PRMT8: variants seen among roughly 807,000 people sequenced by gnomAD.
PRMT8 encodes protein arginine methyltransferase 8.
In PRMT8, 7 loss-of-function variants were observed where a neutral mutation model predicts 47.1. The ratio of observed to expected loss-of-function variants is 0.15; its 90% CI spans 0.08 to 0.28. The LOEUF (loss-of-function observed/expected upper bound fraction) is 0.28. Ranked by LOEUF, PRMT8 falls within the 10% of genes least tolerant of loss-of-function variation. The probability of loss-of-function intolerance (pLI) is 1.00; values close to 1 mark genes in which losing one functional copy is unlikely to be tolerated. For synonymous variants in PRMT8, 188 were observed against 186.5 expected (o/e 1.01, Z -0.07); for missense variants, 237 against 505.4 (o/e 0.47, Z 5.09).
intron 2 of PRMT8, among the ~76,000 whole-genome samples, chr12:3,547,984 TCTCA>T (rs1351616203): frequency 6.6e-6 from 1 of 152,222 alleles, no homozygotes. Flanking sequence ...GTTGGCAGAC[TCTCA>T]CTACGTTATT....
rs888376288 is a variant in PRMT8, at chr12:3,569,037, G to A, written c.624+189G>A. ...AATGGTTGCCCCGGGTCCAGCATGT[G>A]TAACCATCAGAGTGGACTTCCGTGG... On this transcript the variant is annotated intron_variant, in intron 5 of 9. Coordinates refer to ENST00000382622, the MANE Select transcript of PRMT8 (RefSeq NM_019854.5). The surrounding 1 kb of genome is among the most constrained non-coding windows in gnomAD (Gnocchi z 8.2). Among the ~76,000 whole-genome samples, 16 of 152,242 alleles carry A rather than the reference G, an allele frequency of 1.1e-4. No individual in the cohort carries two copies. Among genetic ancestry groups the A allele is most frequent in the African/African-American group, 3.6e-4 (15 of 41,576 alleles).
At chr12:3,553,842 G>C in intron 4 of PRMT8, 128 bp downstream of exon 4, 1 of 825,236 alleles carries the variant, frequency 1.2e-6, no homozygotes. Flanking sequence ...CCCAGCTGAG[G>C]CCCCCGCCAG....
intron 1 of PRMT8, among the ~76,000 whole-genome samples, chr12:3,458,366 A>T (rs578224266): frequency 1.7e-3 from 262 of 152,308 alleles, no homozygotes; most frequent in Non-Finnish European, 3.4e-3. Context: ...GCTGATGGGC[A>T]CAGAGCTGTG....
At chr12:3,539,644 C>T (rs1026463063) in intron 1 of PRMT8, among the ~76,000 whole-genome samples, 1 of 152,192 alleles carries the variant, frequency 6.6e-6, no homozygotes, top group Admixed American at 6.5e-5. Context: ...GCTCCAATTG[C>T]TGTCTCTGGG....
chr12:3,459,417 T>TC (rs1565413124), intron 1 of PRMT8, among the ~76,000 whole-genome samples: 1 of 152,158 alleles, frequency 6.6e-6, no homozygotes, highest in African/African-American at 2.4e-5. Flanking sequence ...TGTCAGGGCA[T>TC]CCCAGCCTCA....
At chr12:3,507,792 T>C (rs1288855806) in intron 1 of PRMT8, among the ~76,000 whole-genome samples, 3 of 149,622 alleles carry the variant, frequency 2.0e-5, no homozygotes, top group Non-Finnish European at 4.4e-5. Context: ...AGAGTCTTGC[T>C]CTGTCACCCA....
chr12:3,567,821 C>T (rs530236308), intron 4 of PRMT8, among the ~76,000 whole-genome samples: 2 of 152,200 alleles, frequency 1.3e-5, no homozygotes, highest in African/African-American at 4.8e-5. Flanking sequence ...TGCCTGTAAT[C>T]CCAGCACTTT....
At chr12:3,549,591 G>C (rs1866382006) in intron 2 of PRMT8, among the ~76,000 whole-genome samples, 1 of 151,832 alleles carries the variant, frequency 6.6e-6, no homozygotes, top group South Asian at 2.1e-4. Flanking sequence ...CTCTCACCAT[G>C]ACAGAAAGTT....
At chr12:3,563,746 C>G (rs1434567438) in intron 4 of PRMT8, among the ~76,000 whole-genome samples, 1 of 152,146 alleles carries the variant, frequency 6.6e-6, no homozygotes, top group East Asian at 1.9e-4. Context: ...CACAACTTGA[C>G]TTCTCTAAAC....
intron 1 of PRMT8, among the ~76,000 whole-genome samples, chr12:3,496,758 T>C (rs1158209873): frequency 6.6e-6 from 1 of 152,012 alleles, no homozygotes; most frequent in Non-Finnish European, 1.5e-5. Context: ...CTTTTAGGAG[T>C]CTTGCCAAAA....
At chr12:3,428,740 C>T (rs1312110520) in intron 1 of PRMT8, among the ~76,000 whole-genome samples, 1 of 151,794 alleles carries the variant, frequency 6.6e-6, no homozygotes, top group Non-Finnish European at 1.5e-5. Flanking sequence ...CCTTTTGCCT[C>T]TGTCTCTTCC....
chr12:3,406,606 G>C (rs1252147938), intron 1 of PRMT8, among the ~76,000 whole-genome samples: 1 of 152,170 alleles, frequency 6.6e-6, no homozygotes, highest in African/African-American at 2.4e-5. Flanking sequence ...AATGCCACCA[G>C]CCTCTTTGCT....
chr12:3,473,979 A>G (rs892943720), intron 1 of PRMT8, among the ~76,000 whole-genome samples: 17 of 152,030 alleles, frequency 1.1e-4, no homozygotes, highest in Non-Finnish European at 1.9e-4. Flanking sequence ...AGACCCTGCC[A>G]TTCCTTGCTG....
At chr12:3,402,128 C>A (rs1864323760) in intron 1 of PRMT8, among the ~76,000 whole-genome samples, 1 of 130,318 alleles carries the variant, frequency 7.7e-6, no homozygotes. Context: ...AGTACAAGAA[C>A]AAACACTGAC....
At chr12:3,483,943 A>G (rs1006513712) in intron 1 of PRMT8, among the ~76,000 whole-genome samples, 1 of 152,164 alleles carries the variant, frequency 6.6e-6, no homozygotes, top group Non-Finnish European at 1.5e-5. Context: ...AAATCGAGTG[A>G]TGACTACTTA....
intron 1 of PRMT8, among the ~76,000 whole-genome samples, chr12:3,397,397 T>A (rs1391485295): frequency 1.3e-5 from 2 of 151,658 alleles, no homozygotes; most frequent in Non-Finnish European, 2.9e-5. Context: ...TTGGTGTGGA[T>A]GTCCTTTCTG....
intron 1 of PRMT8, among the ~76,000 whole-genome samples, chr12:3,440,027 G>A (rs1383041561): frequency 6.6e-6 from 1 of 152,170 alleles, no homozygotes; most frequent in Non-Finnish European, 1.5e-5. Context: ...ACTGGAGCAG[G>A]CTGCCACTTC....
chr12:3,525,574 C>G (rs1393556632), intron 1 of PRMT8, among the ~76,000 whole-genome samples: 1 of 152,218 alleles, frequency 6.6e-6, no homozygotes, highest in Non-Finnish European at 1.5e-5. Context: ...GTTCTTCTCT[C>G]TTTCCCATCA....
chr12:3,472,440 A>G (rs1007662694), intron 1 of PRMT8, among the ~76,000 whole-genome samples: 6 of 152,240 alleles, frequency 3.9e-5, no homozygotes, highest in African/African-American at 1.4e-4. Flanking sequence ...AGGAGTGGGT[A>G]AAGGTGCTTG....
Sources: gnomAD v4.1 joint callset for allele counts (sites outside exome capture counted in the v4.1 genomes callset) on GRCh38, gnomAD v4.1.1 for gene constraint, Gnocchi (gnomAD v3.1) non-coding constraint, MANE v1.5 for transcripts, NCBI Gene and HGNC (gene_info 2026-07-23, HGNC 2026-07-21) for gene names.